The following PRDM16 variants were observed in gnomAD, a reference collection of about 807,000 sequenced individuals.
PRDM16 encodes PR/SET domain 16, also known as histone-lysine N-methyltransferase PRDM16.
Under a neutral mutation model 110.6 loss-of-function variants are expected in PRDM16, and 23 were observed. That is an observed-to-expected ratio of 0.21 (90% confidence interval 0.15 to 0.29). The LOEUF is 0.29. Among genes scored for constraint, PRDM16 ranks in the 10% least tolerant of loss-of-function variants. PRDM16 has a pLI of 1.00. For missense variants in PRDM16, 1,615 were observed against 1,794.3 expected, an observed-to-expected ratio of 0.90 and a Z score of 1.81; for synonymous variants, 799 against 781.8, an observed-to-expected ratio of 1.02 and a Z score of -0.37.
At chr1:3,167,097 G>A (rs1001486897) in intron 1 of PRDM16, among the ~76,000 whole-genome samples, 2 of 152,172 alleles carry the variant, frequency 1.3e-5, no homozygotes, top group African/African-American at 2.4e-5. Flanking sequence ...TGGCAGGGAA[G>A]GCTCAGCTGG....
chr1:3,334,554 C>T (rs1642106312), intron 3 of PRDM16, among the ~76,000 whole-genome samples: 2 of 152,194 alleles, frequency 1.3e-5, no homozygotes, highest in Admixed American at 6.5e-5. Flanking sequence ...GGGAGGAAAG[C>T]GGGACAGGGA....
At chr1:3,284,530 C>T (rs1640803951) in intron 3 of PRDM16, among the ~76,000 whole-genome samples, 2 of 152,152 alleles carry the variant, frequency 1.3e-5, no homozygotes, top group East Asian at 1.9e-4. Flanking sequence ...CTGGCACTGT[C>T]GCCGTGAAGC....
intron 1 of PRDM16, among the ~76,000 whole-genome samples, chr1:3,124,279 A>G (rs1204490131): frequency 6.6e-6 from 1 of 152,166 alleles, no homozygotes; most frequent in East Asian, 1.9e-4. Flanking sequence ...TTTTAAAATG[A>G]AAAGGGAAAG....
chr1:3,249,265 T>C (rs1639869573), intron 3 of PRDM16, among the ~76,000 whole-genome samples: 1 of 151,998 alleles, frequency 6.6e-6, no homozygotes, highest in Non-Finnish European at 1.5e-5. Context: ...GTTGGAGAGA[T>C]GGAGGGACCC....
In PRDM16 at chr1:3,244,298, G is replaced by T. The variant is rs574821734; in HGVS notation, c.438+161G>T. On this transcript the variant is annotated intron_variant, in intron 3 of 16. Transcript: ENST00000270722. The surrounding 1 kb of genome is among the most constrained non-coding windows in gnomAD (Gnocchi z 4.1). The stretch of plus-strand genomic sequence containing the variant: ...TATCTGTGGACTGACGTGTGCACAG[G>T]ACGGTGGCTTTGCTGTCATTAGGAG... Among the ~76,000 whole-genome samples the T allele has an allele frequency of 5.9e-5, 9 of 152,252 alleles. No homozygotes were observed. In the East Asian group the frequency reaches 9.7e-4, roughly 16 times the overall value.
At chr1:3,082,201 C>T (rs1360098859) in intron 1 of PRDM16, among the ~76,000 whole-genome samples, 1 of 152,212 alleles carries the variant, frequency 6.6e-6, no homozygotes, top group Non-Finnish European at 1.5e-5. Context: ...TGGGAGGCCC[C>T]CGCGGCCAGG....
chr1:3,090,984 G>A (rs1455344287), intron 1 of PRDM16, among the ~76,000 whole-genome samples: 1 of 151,846 alleles, frequency 6.6e-6, no homozygotes, highest in Non-Finnish European at 1.5e-5. Context: ...GGGCTCCAGG[G>A]TCTGGCTCAG....
chr1:3,409,148 GGTGT>G (rs564751070), intron 8 of PRDM16, among the ~76,000 whole-genome samples: 1,402 of 139,768 alleles, frequency 0.01, 6 homozygotes, highest in Non-Finnish European at 0.017. Flanking sequence ...TGTGAGTGTG[GGTGT>G]GTGTGAGTGA....
chr1:3,393,948 C>T (rs1452898701), intron 4 of PRDM16, among the ~76,000 whole-genome samples: 1 of 152,166 alleles, frequency 6.6e-6, no homozygotes, highest in Admixed American at 6.5e-5. Context: ...CCTCCTCCTG[C>T]AGGTCCAGGG....
intron 1 of PRDM16, among the ~76,000 whole-genome samples, chr1:3,074,476 A>C (rs558305334): frequency 6.6e-6 from 1 of 151,976 alleles, no homozygotes; most frequent in Non-Finnish European, 1.5e-5. Context: ...CTCAAGGCCA[A>C]TGCTCAACTT....
intron 3 of PRDM16, among the ~76,000 whole-genome samples, chr1:3,284,813 G>C (rs992514480): frequency 1.3e-5 from 2 of 152,218 alleles, no homozygotes; most frequent in South Asian, 2.1e-4. Context: ...ACCCAGCGTG[G>C]TCCCGCCCAG....
chr1:3,225,013 C>G (rs545367992), intron 2 of PRDM16, among the ~76,000 whole-genome samples: 1 of 152,240 alleles, frequency 6.6e-6, no homozygotes, highest in Non-Finnish European at 1.5e-5. Context: ...CCATTTGTTG[C>G]GTTCCTCCTG....
chr1:3,388,702 G>A (rs567997104), intron 4 of PRDM16, among the ~76,000 whole-genome samples: 6 of 152,336 alleles, frequency 3.9e-5, no homozygotes, highest in Non-Finnish European at 7.3e-5. Flanking sequence ...TCCTGCTACT[G>A]GCAGCCAGGA....
At chr1:3,140,685 G>T (rs574229326) in intron 1 of PRDM16, among the ~76,000 whole-genome samples, 30 of 152,342 alleles carry the variant, frequency 2.0e-4, no homozygotes, top group Admixed American at 1.0e-3. Flanking sequence ...CTCCTAGAAG[G>T]CGTATGGGGG....
chr1:3,214,363 T>C (rs548244531), intron 2 of PRDM16, among the ~76,000 whole-genome samples: 3 of 152,272 alleles, frequency 2.0e-5, no homozygotes, highest in South Asian at 2.1e-4. Flanking sequence ...TAAGAGCTGA[T>C]GTCCACCCAA....
intron 1 of PRDM16, among the ~76,000 whole-genome samples, chr1:3,110,786 C>T (rs1642773622): frequency 6.6e-6 from 1 of 152,220 alleles, no homozygotes; most frequent in South Asian, 2.1e-4. Flanking sequence ...CCGGCTCAGC[C>T]TCTCTTTAAC....
chr1:3,380,495 C>A (rs992371708), intron 3 of PRDM16, among the ~76,000 whole-genome samples: 2 of 152,114 alleles, frequency 1.3e-5, no homozygotes, highest in African/African-American at 4.8e-5. Context: ...GGACCCCACC[C>A]GCAGGGCAGC....
At chr1:3,262,531 G>T (rs1640185115) in intron 3 of PRDM16, among the ~76,000 whole-genome samples, 1 of 152,336 alleles carries the variant, frequency 6.6e-6, no homozygotes, top group East Asian at 1.9e-4. Context: ...CTCCCTCTGT[G>T]TCCCCCATCT....
At position 3,084,200 on chromosome 1, in the gene PRDM16, G is replaced by A. The variant is rs189187669; in HGVS notation, c.37+14904G>A. On this transcript the variant is annotated intron_variant, in intron 1 of 16. Transcript: ENST00000270722. ...CCTTGCCTGGGACTGCGGTCCTGGCGGGCCCTGGGGCGTCTGGGGGCCTGT... is the reference window on the plus strand; with the variant it reads ...CCTTGCCTGGGACTGCGGTCCTGGCAGGCCCTGGGGCGTCTGGGGGCCTGT... Among the ~76,000 whole-genome samples, 605 of 152,308 alleles carry A rather than the reference G, an allele frequency of 4.0e-3. 11 individuals are homozygous for A. Among genetic ancestry groups the A allele is most frequent in the African/African-American group, 0.013 (555 of 41,566 alleles).
Sources: allele counts gnomAD v4.1 joint callset (sites outside exome capture counted in the v4.1 genomes callset), GRCh38; gene constraint gnomAD v4.1.1; non-coding constraint Gnocchi (gnomAD v3.1); transcripts MANE v1.5; gene names NCBI Gene and HGNC (gene_info 2026-07-23, HGNC 2026-07-21).